Variants in GTF2E1 observed in about 807,000 individuals in gnomAD.
The protein encoded by GTF2E1 is TFIIE alpha subunit.
GTF2E1 carries 14 observed loss-of-function variants against 34.9 expected under a neutral mutation model. That is an observed-to-expected ratio of 0.40 (90% confidence interval 0.27 to 0.63). GTF2E1 has a LOEUF of 0.63. Among genes scored for constraint, GTF2E1 ranks in the 20% least tolerant of loss-of-function variants. GTF2E1 has a pLI of 0.39. For missense variants in GTF2E1, 469 were observed against 557.7 expected (o/e 0.84, Z 1.60); for synonymous variants, 188 against 192.9 (o/e 0.97, Z 0.21).
intron 1 of GTF2E1, among the ~76,000 whole-genome samples, chr3:120,749,494 T>G (rs978968848): frequency 2.0e-5 from 3 of 152,188 alleles, no homozygotes; most frequent in African/African-American, 7.2e-5. Flanking sequence ...AGGCCTTTTC[T>G]GCATCTATTG....
chr3:120,772,399 C>T (rs1424163646), intron 3 of GTF2E1, among the ~76,000 whole-genome samples: 1 of 151,944 alleles, frequency 6.6e-6, no homozygotes, highest in Non-Finnish European at 1.5e-5. Flanking sequence ...AACCAATAAG[C>T]AAAGAAAGAA....
At chr3:120,752,055 A>G (rs1264651020) in intron 2 of GTF2E1, among the ~76,000 whole-genome samples, 1 of 152,206 alleles carries the variant, frequency 6.6e-6, no homozygotes, top group Non-Finnish European at 1.5e-5. Context: ...ATATAAATTA[A>G]GATTATTGAC....
chr3:120,781,014 A>C lies in GTF2E1; in HGVS notation c.893-29A>C, dbSNP rs138528281. ...AAAGAAATGCCATTTATATTTAAGG[A>C]TATTGACTTTCTGAGTTTTACTCCC... On this transcript the variant is annotated intron_variant, in intron 4 of 4. Coordinates refer to ENST00000283875, the MANE Select transcript of GTF2E1 (RefSeq NM_005513.3). 5 of 1,469,994 alleles carry C rather than the reference A, an allele frequency of 3.4e-6. No individual in the cohort carries two copies. In the East Asian group the frequency reaches 1.1e-4, roughly 34 times the overall value. The allele number at this position is 1,469,994 out of a possible 1,614,324, so 91.1% of individuals were successfully genotyped here. A position where few individuals can be genotyped will look rare whatever the true frequency, so the allele number is the denominator to read the frequency against.
At position 120,750,542 on chromosome 3, in the gene GTF2E1, C is replaced by T. The variant is rs199539749; in HGVS notation, c.-11C>T. ...ATTCAGTATATTTAAAGTTGGAGTT[C>T]GTTGCTAAAGATGGCAGACCCAGAT... is the stretch of plus-strand genomic sequence containing the variant. On this transcript the variant is annotated 5_prime_UTR_variant, in exon 2 of 5. Transcript: ENST00000283875. 8.1e-6 allele frequency: 13 copies of T among 1,595,546 alleles called. No individual in the cohort carries two copies. Among genetic ancestry groups the T allele is most frequent in the Middle Eastern group, 1.7e-4 (1 of 5,984 alleles).
At chr3:120,754,563 T>C (rs1322591905) in intron 2 of GTF2E1, among the ~76,000 whole-genome samples, 1 of 152,164 alleles carries the variant, frequency 6.6e-6, no homozygotes, top group African/African-American at 2.4e-5. Context: ...TAGCACATTA[T>C]TCCTGTTCAC....
At chr3:120,747,741 A>G (rs1709120613) in intron 1 of GTF2E1, among the ~76,000 whole-genome samples, 1 of 152,222 alleles carries the variant, frequency 6.6e-6, no homozygotes, top group Non-Finnish European at 1.5e-5. Context: ...AGCATGATTT[A>G]TAGTCCTTTG....
chr3:120,771,938 T>C (rs1709354924), intron 3 of GTF2E1, among the ~76,000 whole-genome samples: 1 of 152,192 alleles, frequency 6.6e-6, no homozygotes, highest in Admixed American at 6.5e-5. Context: ...CTTGCATGAC[T>C]AGAAGTCTTG....
At chr3:120,778,003 C>T (rs1009739115) in intron 4 of GTF2E1, among the ~76,000 whole-genome samples, 2 of 152,230 alleles carry the variant, frequency 1.3e-5, no homozygotes, top group African/African-American at 4.8e-5. Flanking sequence ...GGATTACAGG[C>T]ATGAGCCACT....
intron 1 of GTF2E1, among the ~76,000 whole-genome samples, chr3:120,749,090 T>C (rs1460740052): frequency 6.6e-6 from 1 of 152,190 alleles, no homozygotes; most frequent in Non-Finnish European, 1.5e-5. Context: ...GTGATTTTTG[T>C]ACATTGATTT....
chr3:120,777,682 T>A (rs905031660), intron 4 of GTF2E1, among the ~76,000 whole-genome samples: 2 of 152,212 alleles, frequency 1.3e-5, no homozygotes, highest in African/African-American at 4.8e-5. Flanking sequence ...GAAAAGGTTT[T>A]CCAAGGCAAC....
chr3:120,781,715 CTTT>C lies in GTF2E1; in HGVS notation c.*259_*261del, dbSNP rs71133517. ...TTAATATTTTACTGTATTTTCTTTT[CTTT>C]TTTTTTTTTTTTTGGAGATGAAGTC... On this transcript the variant is annotated 3_prime_UTR_variant, in exon 5 of 5. Coordinates refer to ENST00000283875, the MANE Select transcript of GTF2E1 (RefSeq NM_005513.3). The C allele has an allele frequency of 3.9e-3, 883 of 223,764 alleles. No homozygotes were observed. Among genetic ancestry groups the C allele is most frequent in the South Asian group, 7.9e-3 (110 of 13,932 alleles). 13.9% of individuals were successfully genotyped at this position (223,764 alleles called of 1,614,324 possible). A position where few individuals can be genotyped will look rare whatever the true frequency, so the allele number is the denominator to read the frequency against.
intron 2 of GTF2E1, 49 bp from the exon 3 acceptor site, chr3:120,770,679 T>G: frequency 3.0e-6 from 4 of 1,342,128 alleles, no homozygotes; most frequent in Non-Finnish European, 4.3e-6. Context: ...AGGTATAAAC[T>G]ATCTGCTAAA....
In GTF2E1 at chr3:120,749,253, C is replaced by A. The variant is rs1476267218; in HGVS notation, c.-30-1270C>A. ...AATTGAATACCCTTTATTTCCTTCT[C>A]CTGCCTGATTGCCCTGGCCAGAACT... is the stretch of plus-strand genomic sequence containing the variant. On this transcript the variant is annotated intron_variant, in intron 1 of 4. Coordinates refer to ENST00000283875, the MANE Select transcript of GTF2E1 (RefSeq NM_005513.3). 3.3e-5 allele frequency among the ~76,000 whole-genome samples: 5 copies of A among 152,162 alleles called. No homozygotes were observed. The East Asian group carries it at 9.7e-4, about 29-fold the overall frequency.
At chr3:120,762,039 C>G (rs890560813) in intron 2 of GTF2E1, among the ~76,000 whole-genome samples, 1 of 152,148 alleles carries the variant, frequency 6.6e-6, no homozygotes, top group East Asian at 1.9e-4. Flanking sequence ...ATCCACCTGC[C>G]TTGACCTCCC....
intron 2 of GTF2E1, among the ~76,000 whole-genome samples, chr3:120,752,898 G>C (rs1709177435): frequency 1.3e-5 from 2 of 152,154 alleles, no homozygotes; most frequent in Non-Finnish European, 2.9e-5. Flanking sequence ...AGGGTGCCCT[G>C]GTCAGCCAAC....
intron 2 of GTF2E1, among the ~76,000 whole-genome samples, chr3:120,751,832 CTTTG>C (rs1709167131): frequency 6.6e-6 from 1 of 151,990 alleles, no homozygotes; most frequent in Non-Finnish European, 1.5e-5. Context: ...GATTAAGTCC[CTTTG>C]TTATGGTTGA....
Position 120,771,850 on chromosome 3 carries a change from C to G in GTF2E1, c.650+921C>G, listed in dbSNP as rs529341733. Reference sequence around the variant, plus strand: ...CCGTGTGTCAGTTAGGATGCCTTTGCCTGTGATAACAGAATATCCAGCTCT... The same window carrying G: ...CCGTGTGTCAGTTAGGATGCCTTTGGCTGTGATAACAGAATATCCAGCTCT... On this transcript the variant is annotated intron_variant, in intron 3 of 4. Coordinates refer to ENST00000283875, the MANE Select transcript of GTF2E1 (RefSeq NM_005513.3). 3.4e-3 allele frequency among the ~76,000 whole-genome samples: 513 copies of G among 152,280 alleles called. 2 individuals carry two copies. The highest frequency in any genetic ancestry group is 4.6e-3 in the Non-Finnish European group (312 of 68,012).
chr3:120,751,463 G>C (rs995720479), intron 2 of GTF2E1, among the ~76,000 whole-genome samples: 1 of 152,152 alleles, frequency 6.6e-6, no homozygotes, highest in Non-Finnish European at 1.5e-5. Context: ...AGACCTAAAA[G>C]ATAGTAAGAG....
At chr3:120,743,055 T>C (rs752157266) in intron 1 of GTF2E1, 80 of 160,334 alleles carry the variant, frequency 5.0e-4, no homozygotes, top group Admixed American at 8.9e-4. Flanking sequence ...GAGTCTCGCA[T>C]TGGGGAGGAG....
Sources: gnomAD v4.1 joint callset for allele counts (sites outside exome capture counted in the v4.1 genomes callset) on GRCh38, gnomAD v4.1.1 for gene constraint, MANE v1.5 for transcripts, NCBI Gene and HGNC (gene_info 2026-07-23, HGNC 2026-07-21) for gene names.